Variants in TOX observed in about 807,000 individuals in gnomAD.
TOX encodes thymocyte selection associated high mobility group box.
Under a neutral mutation model 53.7 loss-of-function variants are expected in TOX, and 11 were observed. That is an observed-to-expected ratio of 0.20 (90% CI 0.13 to 0.34). TOX has a LOEUF of 0.34. Among genes scored for constraint, TOX ranks in the 10% least tolerant of loss-of-function variants. TOX has a pLI of 1.00. For missense variants in TOX, 570 were observed against 664.6 expected, an observed-to-expected ratio of 0.86 and a Z score of 1.56; for synonymous variants, 225 against 245.3, an observed-to-expected ratio of 0.92 and a Z score of 0.77.
intron 1 of TOX, among the ~76,000 whole-genome samples, chr8:59,014,492 A>C (rs187494155): frequency 6.6e-6 from 1 of 152,248 alleles, no homozygotes; most frequent in Non-Finnish European, 1.5e-5. Flanking sequence ...GATATGCAGA[A>C]TCTACAAAGT....
intron 3 of TOX, among the ~76,000 whole-genome samples, chr8:58,874,457 A>T (rs2129170300): frequency 6.6e-6 from 1 of 152,250 alleles, no homozygotes; most frequent in South Asian, 2.1e-4. Context: ...TGGCTTCTGG[A>T]TTCGCCTACT....
At chr8:59,081,437 G>A (rs1055937118) in intron 1 of TOX, among the ~76,000 whole-genome samples, 1 of 152,126 alleles carries the variant, frequency 6.6e-6, no homozygotes, top group Admixed American at 6.6e-5. Flanking sequence ...TGTAGGTATG[G>A]CTTCTACACA....
chr8:59,066,578 G>A (rs1393351900), intron 1 of TOX, among the ~76,000 whole-genome samples: 2 of 152,052 alleles, frequency 1.3e-5, no homozygotes, highest in African/African-American at 4.8e-5. Context: ...CCTTCCCTCT[G>A]TCACTCAAAT....
chr8:58,914,936 G>T (rs1185920414), intron 3 of TOX, among the ~76,000 whole-genome samples: 2 of 152,112 alleles, frequency 1.3e-5, no homozygotes, highest in African/African-American at 4.8e-5. Context: ...AAAGAAAGGG[G>T]TGATGGACGC....
At chr8:59,014,851 T>C (rs1585964890) in intron 1 of TOX, among the ~76,000 whole-genome samples, 1 of 152,254 alleles carries the variant, frequency 6.6e-6, no homozygotes, top group Non-Finnish European at 1.5e-5. Flanking sequence ...AGTAATACTA[T>C]GGTTATCAAA....
At chr8:59,107,046 TG>T (rs560703991) in intron 1 of TOX, among the ~76,000 whole-genome samples, 4,534 of 58,026 alleles carry the variant, frequency 0.078, 505 homozygotes, top group African/African-American at 0.093. Context: ...AGCAGTTTGC[TG>T]GGGGGGGGGG....
At chr8:59,044,871 C>G (rs796213970) in intron 1 of TOX, among the ~76,000 whole-genome samples, 2 of 152,114 alleles carry the variant, frequency 1.3e-5, no homozygotes, top group African/African-American at 4.8e-5. Context: ...AAGGAAAAAC[C>G]AACAGATTAA....
At chr8:58,914,648 G>A (rs1225240058) in intron 3 of TOX, among the ~76,000 whole-genome samples, 2 of 152,198 alleles carry the variant, frequency 1.3e-5, no homozygotes, top group Non-Finnish European at 2.9e-5. Context: ...ACAAAAACTT[G>A]TTCAACCAAA....
At chr8:58,953,690 C>T (rs1319392743) in intron 2 of TOX, among the ~76,000 whole-genome samples, 1 of 152,140 alleles carries the variant, frequency 6.6e-6, no homozygotes, top group Non-Finnish European at 1.5e-5. Flanking sequence ...CTCGATTACT[C>T]AGAGCATGGC....
At chr8:59,075,445 G>A (rs986749423) in intron 1 of TOX, among the ~76,000 whole-genome samples, 1 of 152,160 alleles carries the variant, frequency 6.6e-6, no homozygotes, top group African/African-American at 2.4e-5. Flanking sequence ...GATCGAGTGA[G>A]CAGGCTTTGC....
At chr8:59,039,904 A>C (rs117318287) in intron 1 of TOX, among the ~76,000 whole-genome samples, 3,333 of 152,368 alleles carry the variant, frequency 0.022, 86 homozygotes, top group South Asian at 0.088. Context: ...AACACTTCAT[A>C]ATTAACATTT....
At chr8:58,909,201 A>G (rs1440240732) in intron 3 of TOX, among the ~76,000 whole-genome samples, 2 of 152,132 alleles carry the variant, frequency 1.3e-5, no homozygotes, top group Non-Finnish European at 2.9e-5. Context: ...TCTGATGAGC[A>G]CTCAGGTTTG....
At chr8:59,004,684 T>A (rs1813754126) in intron 1 of TOX, among the ~76,000 whole-genome samples, 1 of 152,154 alleles carries the variant, frequency 6.6e-6, no homozygotes, top group South Asian at 2.1e-4. Context: ...AGGTAACATA[T>A]CTGAAAAATG....
chr8:59,061,096 G>C (rs961712455), intron 1 of TOX, among the ~76,000 whole-genome samples: 1 of 152,148 alleles, frequency 6.6e-6, no homozygotes, highest in Non-Finnish European at 1.5e-5. Context: ...AGATTACCAA[G>C]AGATTGTACG....
At chr8:59,011,194 A>C (rs1260920871) in intron 1 of TOX, among the ~76,000 whole-genome samples, 1 of 152,250 alleles carries the variant, frequency 6.6e-6, no homozygotes, top group Non-Finnish European at 1.5e-5. Context: ...ATTGTTTAAC[A>C]AAAGCCAAGG....
intron 1 of TOX, among the ~76,000 whole-genome samples, chr8:59,024,967 A>G (rs1814207608): frequency 6.6e-6 from 1 of 152,240 alleles, no homozygotes; most frequent in African/African-American, 2.4e-5. Context: ...CTATTAACAG[A>G]AAATGATATA....
intron 1 of TOX, among the ~76,000 whole-genome samples, chr8:59,071,321 C>A (rs1348893622): frequency 6.6e-6 from 1 of 152,160 alleles, no homozygotes; most frequent in South Asian, 2.1e-4. Flanking sequence ...GCACCAACCA[C>A]CTGCTTACGT....
chr8:58,892,595 C>T (rs1351075167), intron 3 of TOX, among the ~76,000 whole-genome samples: 2 of 152,042 alleles, frequency 1.3e-5, no homozygotes, highest in African/African-American at 2.4e-5. Flanking sequence ...GAACACTGCC[C>T]GTACAGGATT....
At chr8:58,944,889 T>A (rs1447014933) in intron 2 of TOX, among the ~76,000 whole-genome samples, 1 of 152,228 alleles carries the variant, frequency 6.6e-6, no homozygotes, top group East Asian at 1.9e-4. Flanking sequence ...ATATTTGCCA[T>A]TGATTAGGCC....
Sources: allele counts gnomAD v4.1 joint callset (sites outside exome capture counted in the v4.1 genomes callset), GRCh38; gene constraint gnomAD v4.1.1; transcripts MANE v1.5; gene names NCBI Gene and HGNC (gene_info 2026-07-23, HGNC 2026-07-21).